The following USP53 variants were observed in gnomAD, a reference collection of about 807,000 sequenced individuals.
USP53 encodes ubiquitin specific peptidase 53.
In USP53, 71 loss-of-function variants were observed where a neutral mutation model predicts 94.9. The ratio of observed to expected loss-of-function variants is 0.75; its 90% confidence interval spans 0.62 to 0.91. The LOEUF (loss-of-function observed/expected upper bound fraction) is 0.91, where lower values mean the gene tolerates loss of function less well. Among genes scored for constraint, USP53 ranks in the 40% least tolerant of loss-of-function variants. The probability of loss-of-function intolerance (pLI) is 0.00; values close to 1 mark genes in which losing one functional copy is unlikely to be tolerated. For missense variants in USP53, 1,173 were observed against 1,281.0 expected (o/e 0.92, Z 1.29); for synonymous variants, 375 against 422.7 (o/e 0.89, Z 1.39).
At chr4:119,238,367 G>T (rs62328370) in intron 4 of USP53, among the ~76,000 whole-genome samples, 4 of 152,194 alleles carry the variant, frequency 2.6e-5, no homozygotes, top group Non-Finnish European at 5.9e-5. Context: ...GAGGAAAAGA[G>T]AGAGTTGGGG....
chr4:119,219,610 C>T (rs998370483), intron 3 of USP53: 11 of 152,226 alleles, frequency 7.2e-5, no homozygotes, highest in Non-Finnish European at 1.5e-4. Flanking sequence ...ATGCCATTAT[C>T]ATTTACCCAG....
intron 1 of USP53, among the ~76,000 whole-genome samples, chr4:119,213,660 A>ATATATATGTGTGTGTG: frequency 8.5e-6 from 1 of 117,792 alleles, no homozygotes; most frequent in East Asian, 2.2e-4. Flanking sequence ...ATATATATAT[A>ATATATATGTGTGTGTG]TGTGTGTGTG....
rs1431573116 is a variant in USP53 at position 119,271,824 on chromosome 4, C to T, written c.1964C>T (p.Ser655Phe). 6.2e-7 allele frequency: 1 copy of T among 1,612,848 alleles called. No individual in the cohort carries two copies. The highest frequency in any genetic ancestry group is 1.7e-5 in the Admixed American group (1 of 59,724). The change falls in exon 16 of 19, where the codon TCC (serine) becomes TTC (phenylalanine). Residue 655 changes from serine (S) to phenylalanine (F), a missense_variant. Transcript: ENST00000692078. The stretch of plus-strand genomic sequence containing the variant: ...AAGCAGGAAATAGGAAGCAGAAGTT[C>T]CCTTGAATCTAATGGAAAAGGAGCA... ...EMKQEIGSRSSLESNGKGAEK... is the reference protein window; with the variant it reads ...EMKQEIGSRSFLESNGKGAEK...
intron 9 of USP53, among the ~76,000 whole-genome samples, chr4:119,257,702 T>G (rs1749959041): frequency 6.6e-6 from 1 of 152,178 alleles, no homozygotes; most frequent in Non-Finnish European, 1.5e-5. Context: ...TAATAACAAT[T>G]TCGTTATTTG....
At position 119,292,430 on chromosome 4, in the gene USP53, C is replaced by G. The variant is rs1421869707; in HGVS notation, c.2441C>G (p.Ser814Ter). The G allele has an allele frequency of 1.9e-6, 3 of 1,613,848 alleles. No individual in the cohort carries two copies. Among genetic ancestry groups the G allele is most frequent in the Non-Finnish European group, 2.5e-6 (3 of 1,179,914 alleles). The change falls in exon 19 of 19, where the codon TCA (serine) becomes TGA (stop). Residue 814 changes from serine to a stop codon, truncating the protein, a stop_gained. Transcript: ENST00000692078. LOFTEE classifies it low-confidence loss of function (END_TRUNC). ...AATGCAAGAGAACATATCCACCAGT[C>G]AGATGAACAGAAACTTGAAAAACCG... is the stretch of plus-strand genomic sequence containing the variant. ...DHNAREHIHQ[S>*]DEQKLEKPNE...
intron 17 of USP53, among the ~76,000 whole-genome samples, chr4:119,280,119 T>C (rs900623058): frequency 1.2e-4 from 18 of 152,186 alleles, no homozygotes; most frequent in African/African-American, 4.3e-4. Context: ...CCATCTTGGC[T>C]CCTCCCCCGT....
chr4:119,279,574 C>G (rs1753193786), intron 17 of USP53, among the ~76,000 whole-genome samples: 1 of 151,160 alleles, frequency 6.6e-6, no homozygotes, highest in Non-Finnish European at 1.5e-5. Flanking sequence ...GCCCTGCCCC[C>G]AGAGGTGGAG....
Position 119,272,037 on chromosome 4 carries a change from A to G in USP53, c.2174+3A>G. On this transcript the variant is annotated splice_donor_region_variant and intron_variant, in intron 16 of 18. Coordinates refer to ENST00000692078, the MANE Select transcript of USP53 (RefSeq NM_001371395.1). ...GTTAAAGAAACAGTATGCTTCAGGT[A>G]ATGTAAAAGTTGAGTGAATCATTTT... 1 of 1,549,002 alleles carries G rather than the reference A, an allele frequency of 6.5e-7. No individual in the cohort carries two copies. Among genetic ancestry groups the G allele is most frequent in the Non-Finnish European group, 8.7e-7 (1 of 1,151,798 alleles).
intron 7 of USP53, among the ~76,000 whole-genome samples, chr4:119,250,566 A>G (rs1184568382): frequency 6.6e-6 from 1 of 152,244 alleles, no homozygotes; most frequent in East Asian, 1.9e-4. Flanking sequence ...ATTTTGAACA[A>G]TGCTAAACTT....
chr4:119,212,656 G>A (rs1743005512), upstream of USP53: 3 of 353,468 alleles, frequency 8.5e-6, no homozygotes, highest in Admixed American at 1.1e-4. Flanking sequence ...GGGCGTATGC[G>A]CATGCTCCGC....
At chr4:119,264,041 G>A (rs573989164) in intron 12 of USP53, among the ~76,000 whole-genome samples, 1 of 152,322 alleles carries the variant, frequency 6.6e-6, no homozygotes, top group East Asian at 1.9e-4. Flanking sequence ...CTTCAGCCTG[G>A]TGACAGAGTG....
chr4:119,254,886 T>G (rs1009364914), intron 7 of USP53, among the ~76,000 whole-genome samples: 1 of 152,228 alleles, frequency 6.6e-6, no homozygotes, highest in Non-Finnish European at 1.5e-5. Context: ...TTGATGTTGG[T>G]GACCTACAGA....
intron 11 of USP53, 22 bp from the exon 12 acceptor site, chr4:119,261,693 C>A (rs753367170): frequency 6.4e-7 from 1 of 1,551,622 alleles, no homozygotes; most frequent in Non-Finnish European, 8.8e-7. Context: ...GTTAAGTGTA[C>A]ATTACCAATT....
Position 119,271,868 on chromosome 4 carries a change from G to A in USP53, c.2008G>A (p.Val670Ile). Residue 670 changes from valine (V) to isoleucine (I), a missense_variant, in exon 16 of 19, where the codon GTA becomes ATA. By Grantham distance (29) the Val-to-Ile change is conservative. Transcript: ENST00000692078. The stretch of plus-strand genomic sequence containing the variant: ...AGGAGCAGAGAAAAATAAAGGCCTT[G>A]TAGAGGGTAAAGTGCATGGTGATAA... ...GKGAEKNKGL[V>I]EGKVHGDNWQ... 1 of 1,614,018 alleles carries A rather than the reference G, an allele frequency of 6.2e-7. No individual in the cohort carries two copies. The highest frequency in any genetic ancestry group is 8.5e-7 in the Non-Finnish European group (1 of 1,179,976).
chr4:119,262,365 T>C (rs1392448854), intron 12 of USP53, among the ~76,000 whole-genome samples: 1 of 152,220 alleles, frequency 6.6e-6, no homozygotes, highest in Non-Finnish European at 1.5e-5. Context: ...CCAAGCCCTC[T>C]GTGCAGTTGA....
In USP53 at chr4:119,235,318, G is replaced by A. The variant is rs1746586055; in HGVS notation, c.-636G>A. 1 of 152,260 alleles carries A rather than the reference G, an allele frequency of 6.6e-6. No homozygotes were observed. The highest frequency in any genetic ancestry group is 1.5e-5 in the Non-Finnish European group (1 of 68,098). The allele number at this position is 152,260 out of a possible 1,614,324, so 9.4% of individuals were successfully genotyped here. A position where few individuals can be genotyped will look rare whatever the true frequency, so the allele number is the denominator to read the frequency against. ...CAGCATCTTGCTGCCACCCAGGCTG[G>A]AGTGCAGTGGTGCAGTCTTAGCTTA... On this transcript the variant is annotated 5_prime_UTR_variant, in exon 4 of 19. Transcript: ENST00000692078.
At chr4:119,226,439 C>CA (rs1471288120) in intron 3 of USP53, among the ~76,000 whole-genome samples, 1 of 151,942 alleles carries the variant, frequency 6.6e-6, no homozygotes, top group Non-Finnish European at 1.5e-5. Context: ...ATTGTCAGTA[C>CA]AAAAAATCAA....
chr4:119,238,431 C>G (rs1747076559), intron 4 of USP53, among the ~76,000 whole-genome samples: 1 of 152,146 alleles, frequency 6.6e-6, no homozygotes, highest in African/African-American at 2.4e-5. Context: ...ATTATGCTTG[C>G]TATCGTATAT....
At chr4:119,291,875 T>C (rs1037396610) in intron 18 of USP53, among the ~76,000 whole-genome samples, 2 of 151,958 alleles carry the variant, frequency 1.3e-5, no homozygotes, top group African/African-American at 4.8e-5. Flanking sequence ...ATTTGCAAAA[T>C]ATAATAAAGT....
Sources: allele counts gnomAD v4.1 joint callset (sites outside exome capture counted in the v4.1 genomes callset), GRCh38; gene constraint gnomAD v4.1.1; transcripts MANE v1.5; gene names NCBI Gene and HGNC (gene_info 2026-07-23, HGNC 2026-07-21).